The following MINDY3 variants were observed in gnomAD, a reference collection of about 807,000 sequenced individuals.
The protein encoded by MINDY3 is ubiquitin carboxyl-terminal hydrolase MINDY-3.
Under a neutral mutation model 69.2 loss-of-function variants are expected in MINDY3, and 38 were observed. The ratio of observed to expected loss-of-function variants is 0.55; its 90% CI spans 0.42 to 0.72. The LOEUF is 0.72. Among genes scored for constraint, MINDY3 ranks in the 30% least tolerant of loss-of-function variants. The pLI is 0.00. For synonymous variants in MINDY3, 192 were observed against 180.1 expected (o/e 1.07, Z -0.53); for missense variants, 522 against 519.0 (o/e 1.01, Z -0.06).
intron 11 of MINDY3, among the ~76,000 whole-genome samples, chr10:15,789,886 A>C (rs140710655): frequency 6.6e-6 from 1 of 152,148 alleles, no homozygotes; most frequent in African/African-American, 2.4e-5. Context: ...ACTAATGCTG[A>C]TGATGACTAC....
At chr10:15,826,879 C>G (rs1840117578) in intron 8 of MINDY3, among the ~76,000 whole-genome samples, 1 of 151,816 alleles carries the variant, frequency 6.6e-6, no homozygotes, top group African/African-American at 2.4e-5. Context: ...TTCATAAATA[C>G]AAAATCCAGA....
At chr10:15,843,135 G>T in intron 3 of MINDY3, 77 bp downstream of exon 3, 2 of 1,200,164 alleles carry the variant, frequency 1.7e-6, no homozygotes, top group Non-Finnish European at 2.4e-6. Flanking sequence ...ACTGATACTT[G>T]ACTTTCTCAG....
At chr10:15,838,123 T>C in intron 5 of MINDY3, 105 bp downstream of exon 5, 1 of 1,327,974 alleles carries the variant, frequency 7.5e-7, no homozygotes. Flanking sequence ...TATGTTTAAG[T>C]AGCGCATTTC....
intron 1 of MINDY3, among the ~76,000 whole-genome samples, chr10:15,850,074 A>T (rs981237058): frequency 6.6e-6 from 1 of 152,196 alleles, no homozygotes; most frequent in African/African-American, 2.4e-5. Context: ...TACTTTTATA[A>T]TTTCTTACGC....
At chr10:15,830,301 C>T (rs1399947309) in intron 8 of MINDY3, among the ~76,000 whole-genome samples, 5 of 152,184 alleles carry the variant, frequency 3.3e-5, no homozygotes, top group Non-Finnish European at 7.3e-5. Context: ...ATGTATTGAA[C>T]AGTGCTCAAG....
intron 10 of MINDY3, 139 bp downstream of exon 10, chr10:15,816,696 T>C: frequency 1.5e-6 from 1 of 649,018 alleles, no homozygotes; most frequent in Non-Finnish European, 2.7e-6. Context: ...TTCTTCAGTA[T>C]TAGTTTTTGA....
At chr10:15,853,749 A>G (rs1834481940) in intron 1 of MINDY3, among the ~76,000 whole-genome samples, 1 of 150,436 alleles carries the variant, frequency 6.6e-6, no homozygotes, top group Non-Finnish European at 1.5e-5. Flanking sequence ...TTTTTTTTTA[A>G]TGGAGTGCTG....
chr10:15,829,191 G>C (rs1039125797), intron 8 of MINDY3, among the ~76,000 whole-genome samples: 2 of 152,144 alleles, frequency 1.3e-5, no homozygotes, highest in African/African-American at 2.4e-5. Flanking sequence ...CTGCTGTCGG[G>C]GTTAAGTGGA....
At chr10:15,792,972 C>T (rs1837533777) in intron 11 of MINDY3, among the ~76,000 whole-genome samples, 1 of 152,052 alleles carries the variant, frequency 6.6e-6, no homozygotes, top group African/African-American at 2.4e-5. Flanking sequence ...GTCCATTTTA[C>T]AGATGAAAAA....
Position 15,836,036 on chromosome 10 carries a change from C to A in MINDY3, c.576+1168G>T, listed in dbSNP as rs552357550. On this transcript the variant is annotated intron_variant, in intron 6 of 14. Transcript: ENST00000277632. ...CTTTTTACTGTGTTCCAATTCTGAG[C>A]AGATGAAACCTACTCTTTGTACAGT... 2.6e-5 allele frequency among the ~76,000 whole-genome samples: 4 copies of A among 152,148 alleles called. No individual in the cohort carries two copies. The South Asian group carries it at 8.3e-4, about 32-fold the overall frequency.
intron 1 of MINDY3, among the ~76,000 whole-genome samples, chr10:15,859,348 A>T (rs1017951613): frequency 6.6e-6 from 1 of 152,178 alleles, no homozygotes; most frequent in Non-Finnish European, 1.5e-5. Context: ...TACATAAATT[A>T]TTGATCCTTC....
intron 13 of MINDY3, 135 bp downstream of exon 13, chr10:15,786,426 G>A: frequency 1.6e-6 from 1 of 633,826 alleles, no homozygotes; most frequent in East Asian, 2.7e-5. Context: ...GTCTGGGAAG[G>A]TTTCCATGTA....
Position 15,831,678 on chromosome 10 carries a change from T to C in MINDY3, c.730+1952A>G, listed in dbSNP as rs543788590. Among the ~76,000 whole-genome samples, 409 of 147,638 alleles carry C rather than the reference T, an allele frequency of 2.8e-3. 5 individuals are homozygous for C. The highest frequency in any genetic ancestry group is 8.0e-3 in the African/African-American group (314 of 39,322). ...TGCCTAAGGAGCCTCCTTTTCTTTT[T>C]TTTTTTTTTTTTTTTGAGATGGAGT... On this transcript the variant is annotated intron_variant, in intron 8 of 14. Transcript: ENST00000277632.
At chr10:15,829,092 T>C (rs1311897005) in intron 8 of MINDY3, among the ~76,000 whole-genome samples, 3 of 152,172 alleles carry the variant, frequency 2.0e-5, no homozygotes, top group African/African-American at 4.8e-5. Context: ...CAAGAACATG[T>C]ACACAAAGAA....
At chr10:15,800,595 A>G (rs77859374) in intron 10 of MINDY3, among the ~76,000 whole-genome samples, 2 of 150,766 alleles carry the variant, frequency 1.3e-5, no homozygotes, top group South Asian at 4.2e-4. Context: ...GTAACTCTTG[A>G]AAAAAAACCA....
chr10:15,791,826 C>T (rs1837443523), intron 11 of MINDY3, among the ~76,000 whole-genome samples: 1 of 151,970 alleles, frequency 6.6e-6, no homozygotes, highest in Non-Finnish European at 1.5e-5. Context: ...CTGAGTTGGG[C>T]TTTCAAAGGA....
intron 11 of MINDY3, among the ~76,000 whole-genome samples, chr10:15,790,619 T>C (rs1230987191): frequency 6.6e-6 from 1 of 152,010 alleles, no homozygotes. Flanking sequence ...AACAATTAGG[T>C]TTCTGTGTTT....
At chr10:15,798,700 A>C (rs572328257) in intron 10 of MINDY3, among the ~76,000 whole-genome samples, 1 of 152,122 alleles carries the variant, frequency 6.6e-6, no homozygotes, top group Admixed American at 6.6e-5. Flanking sequence ...AAATCATTTG[A>C]ACCTGTGAGG....
intron 1 of MINDY3, among the ~76,000 whole-genome samples, chr10:15,852,649 C>T (rs1834384021): frequency 6.6e-6 from 1 of 152,004 alleles, no homozygotes; most frequent in South Asian, 2.1e-4. Flanking sequence ...AATTAAAATA[C>T]TAGATTAATC....
Sources: allele counts gnomAD v4.1 joint callset (sites outside exome capture counted in the v4.1 genomes callset), GRCh38; gene constraint gnomAD v4.1.1; transcripts MANE v1.5; gene names NCBI Gene and HGNC (gene_info 2026-07-23, HGNC 2026-07-21).